The following WASF1 variants were observed in gnomAD, a reference collection of about 807,000 sequenced individuals.
WASF1 encodes the protein actin-binding protein WASF1.
A neutral mutation model predicts 50.5 loss-of-function variants in WASF1; 7 were observed. The observed-to-expected ratio is 0.14, with a 90% confidence interval of 0.08 to 0.26. The LOEUF (loss-of-function observed/expected upper bound fraction) is 0.26, where lower values mean the gene tolerates loss of function less well. WASF1 is among the 10% of genes least tolerant of loss of function. The pLI is 1.00. For synonymous variants in WASF1, 205 were observed against 244.0 expected, an observed-to-expected ratio of 0.84 and a Z score of 1.49; for missense variants, 470 against 694.7, an observed-to-expected ratio of 0.68 and a Z score of 3.64.
intron 8 of WASF1, among the ~76,000 whole-genome samples, chr6:110,104,211 A>G (rs1773217110): frequency 6.6e-6 from 1 of 152,240 alleles, no homozygotes; most frequent in Non-Finnish European, 1.5e-5. Flanking sequence ...AATATTTGCT[A>G]GTACATTCTT....
chr6:110,125,836 C>T (rs949939124), intron 4 of WASF1, among the ~76,000 whole-genome samples: 2 of 152,112 alleles, frequency 1.3e-5, no homozygotes, highest in Admixed American at 6.5e-5. Context: ...TTCAGAGTTT[C>T]GCTACAGCAT....
chr6:110,135,383 G>A (rs907547932), intron 3 of WASF1, among the ~76,000 whole-genome samples: 2 of 151,946 alleles, frequency 1.3e-5, no homozygotes, highest in Non-Finnish European at 2.9e-5. Context: ...CTCTGGCTAG[G>A]ACTAACAAAG....
chr6:110,159,492 T>A (rs1408990353), intron 3 of WASF1, among the ~76,000 whole-genome samples: 2 of 151,858 alleles, frequency 1.3e-5, no homozygotes, highest in Non-Finnish European at 2.9e-5. Context: ...TTTTATCTTT[T>A]GGCACCTGAT....
At chr6:110,177,706 A>G (rs1264699811) in intron 2 of WASF1, among the ~76,000 whole-genome samples, 1 of 152,134 alleles carries the variant, frequency 6.6e-6, no homozygotes, top group Non-Finnish European at 1.5e-5. Context: ...TATTATATGT[A>G]CGCCACTTCC....
intron 3 of WASF1, among the ~76,000 whole-genome samples, chr6:110,159,475 C>A (rs1352244159): frequency 6.7e-6 from 1 of 149,834 alleles, no homozygotes; most frequent in East Asian, 2.0e-4. Flanking sequence ...TTTTTCCACA[C>A]CTTTACTTTT....
chr6:110,145,262 T>C (rs1217761234), intron 3 of WASF1, among the ~76,000 whole-genome samples: 1 of 152,198 alleles, frequency 6.6e-6, no homozygotes, highest in Non-Finnish European at 1.5e-5. Flanking sequence ...TCTCTGTTTG[T>C]CTGTTATTGG....
chr6:110,118,024 G>A (rs1013721172), intron 4 of WASF1, among the ~76,000 whole-genome samples: 11 of 152,044 alleles, frequency 7.2e-5, no homozygotes, highest in African/African-American at 2.7e-4. Context: ...CACTAAACAT[G>A]GAAAGCAACA....
chr6:110,118,351 A>C (rs1773909908), intron 4 of WASF1, among the ~76,000 whole-genome samples: 1 of 105,498 alleles, frequency 9.5e-6, no homozygotes. Flanking sequence ...GGAAAGCAAA[A>C]AAAAAAAAAA....
chr6:110,103,737 A>T (rs1228806215), intron 8 of WASF1, among the ~76,000 whole-genome samples, 180 bp from the exon 9 acceptor site: 1 of 152,214 alleles, frequency 6.6e-6, no homozygotes, highest in African/African-American at 2.4e-5. Flanking sequence ...GCTGCTCACA[A>T]TATAACCCTT....
intron 3 of WASF1, among the ~76,000 whole-genome samples, chr6:110,137,748 C>A (rs1201123290): frequency 6.6e-6 from 1 of 152,158 alleles, no homozygotes; most frequent in Non-Finnish European, 1.5e-5. Flanking sequence ...GTTAAGCATA[C>A]TCTTTAAAAT....
intron 3 of WASF1, among the ~76,000 whole-genome samples, chr6:110,128,660 T>C (rs1283849430): frequency 1.3e-5 from 2 of 152,252 alleles, no homozygotes; most frequent in East Asian, 3.8e-4. Context: ...TACAGCATAT[T>C]AACTGTGAGT....
At chr6:110,107,855 A>G (rs1189360252) in intron 6 of WASF1, among the ~76,000 whole-genome samples, 1 of 152,166 alleles carries the variant, frequency 6.6e-6, no homozygotes, top group Non-Finnish European at 1.5e-5. Context: ...AAGTTAATGT[A>G]TACAAATCAA....
At chr6:110,158,737 TG>T (rs1462565187) in intron 3 of WASF1, among the ~76,000 whole-genome samples, 1 of 151,932 alleles carries the variant, frequency 6.6e-6, no homozygotes, top group Non-Finnish European at 1.5e-5. Flanking sequence ...AAAAAAGATA[TG>T]ATTCATGTTG....
At chr6:110,108,426 T>G (rs1371362833) in intron 6 of WASF1, 102 bp downstream of exon 6, 2 of 1,200,898 alleles carry the variant, frequency 1.7e-6, no homozygotes, top group Non-Finnish European at 2.3e-6. Context: ...GGGCTCTCTG[T>G]GTTGGCTAGA....
At chr6:110,125,235 C>T (rs1531465) in intron 4 of WASF1, among the ~76,000 whole-genome samples, 144,042 of 152,252 alleles carry the variant, frequency 0.95, 68,609 homozygotes, top group East Asian at 1. Flanking sequence ...TAGGGACTCA[C>T]GGGCATGAAT....
chr6:110,163,124 C>G (rs965992239), intron 2 of WASF1, among the ~76,000 whole-genome samples: 1 of 151,496 alleles, frequency 6.6e-6, no homozygotes, highest in Non-Finnish European at 1.5e-5. Context: ...AACATAATAA[C>G]ATATGTTGCA....
At chr6:110,147,633 G>A (rs1237837810) in intron 3 of WASF1, among the ~76,000 whole-genome samples, 2 of 152,116 alleles carry the variant, frequency 1.3e-5, no homozygotes, top group African/African-American at 2.4e-5. Flanking sequence ...ATTTTCTTAT[G>A]TGATTCCATG....
chr6:110,152,533 T>C (rs1338587865), intron 3 of WASF1, among the ~76,000 whole-genome samples: 1 of 152,178 alleles, frequency 6.6e-6, no homozygotes, highest in African/African-American at 2.4e-5. Flanking sequence ...TCTGCCTCTG[T>C]ACTTGTTAGA....
At chr6:110,154,745 G>C (rs1057009974) in intron 3 of WASF1, among the ~76,000 whole-genome samples, 2 of 151,870 alleles carry the variant, frequency 1.3e-5, no homozygotes, top group South Asian at 4.1e-4. Context: ...CACAAATTTG[G>C]AAATATTGCA....
Sources: allele counts gnomAD v4.1 joint callset (sites outside exome capture counted in the v4.1 genomes callset), GRCh38; gene constraint gnomAD v4.1.1; transcripts MANE v1.5; gene names NCBI Gene and HGNC (gene_info 2026-07-23, HGNC 2026-07-21).